CACNG5: variants seen among roughly 807,000 people sequenced by gnomAD.
CACNG5 encodes the protein voltage-dependent calcium channel gamma-5 subunit.
In CACNG5, 18 loss-of-function variants were observed where a neutral mutation model predicts 24.8. That is an observed-to-expected ratio of 0.73 (90% confidence interval 0.50 to 1.08). The LOEUF is 1.08. Among genes scored for constraint, CACNG5 ranks in the 50% least tolerant of loss-of-function variants. The pLI, the probability that CACNG5 is intolerant of heterozygous loss-of-function variation, is 0.00. For synonymous variants in CACNG5, 157 were observed against 149.1 expected, an observed-to-expected ratio of 1.05 and a Z score of -0.39; for missense variants, 349 against 367.9, an observed-to-expected ratio of 0.95 and a Z score of 0.42.
intron 1 of CACNG5, among the ~76,000 whole-genome samples, chr17:66,876,805 G>A (rs11651303): frequency 0.064 from 9,676 of 152,276 alleles, 418 homozygotes; most frequent in Middle Eastern, 0.11. Flanking sequence ...ACCCAGCAGA[G>A]TTGTCTCCTC....
chr17:66,868,491 AC>A (rs1441571617), intron 1 of CACNG5, among the ~76,000 whole-genome samples: 1 of 152,206 alleles, frequency 6.6e-6, no homozygotes, highest in African/African-American at 2.4e-5. Context: ...AAGGGCCTCA[AC>A]AATGTGGCAG....
Position 66,880,593 on chromosome 17 carries a change from G to C in CACNG5, c.320G>C (p.Ser107Thr). Residue 107 changes from serine to threonine, a missense_variant, in exon 4 of 6, where the codon AGC becomes ACC. Physicochemically the swap from Ser to Thr is moderately conservative, Grantham distance 58. Coordinates refer to ENST00000533854, the MANE Select transcript of CACNG5 (RefSeq NM_145811.3). Reference protein sequence around the residue: ...IRSATPFPLVSLFFMFIGFIL... With the variant: ...IRSATPFPLVTLFFMFIGFIL... Reference sequence around the variant, plus strand: ...TCAGCCACACCATTCCCTCTGGTCAGCCTCTTCTTCATGTTCATTGGGTTT... The same window carrying C: ...TCAGCCACACCATTCCCTCTGGTCACCCTCTTCTTCATGTTCATTGGGTTT... 2 of 1,614,224 alleles carry C rather than the reference G, an allele frequency of 1.2e-6. No homozygotes were observed. The highest frequency in any genetic ancestry group is 1.7e-6 in the Non-Finnish European group (2 of 1,180,042).
At chr17:66,881,585 G>A (rs1432022886) in intron 4 of CACNG5, among the ~76,000 whole-genome samples, 1 of 152,018 alleles carries the variant, frequency 6.6e-6, no homozygotes, top group African/African-American at 2.4e-5. Flanking sequence ...CCTTATTCTG[G>A]CTGCTGGCAT....
At chr17:66,878,152 C>G (rs775906017) in intron 2 of CACNG5, among the ~76,000 whole-genome samples, 1 of 152,228 alleles carries the variant, frequency 6.6e-6, no homozygotes, top group Non-Finnish European at 1.5e-5. Flanking sequence ...TTCCCTGTAA[C>G]CCTTCAAGTT....
intron 1 of CACNG5, among the ~76,000 whole-genome samples, chr17:66,842,703 C>T (rs1261360324): frequency 1.3e-5 from 2 of 152,174 alleles, no homozygotes; most frequent in Non-Finnish European, 2.9e-5. Flanking sequence ...CTCTGCAGGC[C>T]TCAGGCCATA....
rs192057543 is a variant in CACNG5 at position 66,871,249 on chromosome 17, A to G, written c.-103-5981A>G. ...GGCTACGCTGACACTGAGTCACTGG[A>G]CAAGCTCCCAGGAGCAGCTCTTGTC... On this transcript the variant is annotated intron_variant, in intron 1 of 5. Transcript: ENST00000533854. 2.5e-3 allele frequency among the ~76,000 whole-genome samples: 383 copies of G among 152,308 alleles called. 1 individual carries two copies. Among genetic ancestry groups the G allele is most frequent in the Non-Finnish European group, 3.8e-3 (258 of 68,032 alleles).
chr17:66,854,425 CAA>C (rs144721321), intron 1 of CACNG5, among the ~76,000 whole-genome samples: 3 of 124,200 alleles, frequency 2.4e-5, no homozygotes, highest in Admixed American at 8.5e-5. Flanking sequence ...GACTCCAACT[CAA>C]AAAAAAAAAA....
chr17:66,848,788 G>A (rs1976671906), intron 1 of CACNG5, among the ~76,000 whole-genome samples: 1 of 152,166 alleles, frequency 6.6e-6, no homozygotes, highest in African/African-American at 2.4e-5. Flanking sequence ...GCAAGGAGAA[G>A]CCAGGACGTC....
At chr17:66,872,684 T>A (rs1439075503) in intron 1 of CACNG5, among the ~76,000 whole-genome samples, 2 of 152,224 alleles carry the variant, frequency 1.3e-5, no homozygotes, top group East Asian at 3.8e-4. Context: ...TTCTCCCCTC[T>A]GGATCTTGAT....
At chr17:66,878,754 G>A (rs1445103403) in intron 2 of CACNG5, among the ~76,000 whole-genome samples, 1 of 152,146 alleles carries the variant, frequency 6.6e-6, no homozygotes, top group African/African-American at 2.4e-5. Flanking sequence ...TCCTCACACA[G>A]GCGCTTCTCC....
chr17:66,835,601 T>C (rs1976473072), intron 1 of CACNG5, among the ~76,000 whole-genome samples: 1 of 152,154 alleles, frequency 6.6e-6, no homozygotes, highest in Non-Finnish European at 1.5e-5. Flanking sequence ...GGCTGGCAGA[T>C]TATTATCCGG....
At chr17:66,874,172 G>T (rs1977046130) in intron 1 of CACNG5, among the ~76,000 whole-genome samples, 1 of 152,162 alleles carries the variant, frequency 6.6e-6, no homozygotes, top group Admixed American at 6.5e-5. Context: ...TTGCTCACCT[G>T]TAAAATGGGT....
chr17:66,855,403 C>G (rs1976761432), intron 1 of CACNG5, among the ~76,000 whole-genome samples: 1 of 152,226 alleles, frequency 6.6e-6, no homozygotes, highest in African/African-American at 2.4e-5. Flanking sequence ...CATGTTCAAC[C>G]GACAGGGGGC....
At chr17:66,855,342 C>T (rs1393259179) in intron 1 of CACNG5, among the ~76,000 whole-genome samples, 4 of 152,226 alleles carry the variant, frequency 2.6e-5, no homozygotes, top group African/African-American at 2.4e-5. Context: ...AGGCCCGGGG[C>T]CTCTGTCCTG....
rs938594353 is a variant in CACNG5 at position 66,885,388 on chromosome 17, T to C, written c.*148T>C. 6 of 959,988 alleles carry C rather than the reference T, an allele frequency of 6.3e-6. No homozygotes were observed. The highest frequency in any genetic ancestry group is 7.5e-6 in the Non-Finnish European group (5 of 662,732). 59.5% of individuals were successfully genotyped at this position (959,988 alleles called of 1,614,324 possible). ...CACTTGACCCCAGTCCTCTCCCTGC[T>C]TCTCCAGAAGGGCTCTAACTGCCCC... On this transcript the variant is annotated 3_prime_UTR_variant, in exon 6 of 6. Transcript: ENST00000533854.
chr17:66,892,402 A>G lies in CACNG5; in HGVS notation c.*7162A>G, dbSNP rs1161531541. Among the ~76,000 whole-genome samples the G allele has an allele frequency of 6.6e-6, 1 of 152,282 alleles. No homozygotes were observed. Among genetic ancestry groups the G allele is most frequent in the South Asian group, 2.1e-4 (1 of 4,834 alleles). ...CCAACGTGTTCTCCAGCCCACTGTC[A>G]GGGCCAAGCAAGCAGGGATGCAAGC... On this transcript the variant is annotated 3_prime_UTR_variant, in exon 6 of 6. Coordinates refer to ENST00000533854, the MANE Select transcript of CACNG5 (RefSeq NM_145811.3).
intron 1 of CACNG5, among the ~76,000 whole-genome samples, chr17:66,840,383 C>T (rs994029375): frequency 3.9e-5 from 6 of 152,162 alleles, no homozygotes; most frequent in East Asian, 1.9e-4. Flanking sequence ...CAGCATCTCC[C>T]GGGATCTTCA....
chr17:66,857,385 A>T (rs1197293173), intron 1 of CACNG5, among the ~76,000 whole-genome samples: 3 of 152,192 alleles, frequency 2.0e-5, no homozygotes, highest in Non-Finnish European at 4.4e-5. Context: ...GTACACCAGC[A>T]CTGTCCAATA....
chr17:66,868,781 A>G (rs766665956), intron 1 of CACNG5, among the ~76,000 whole-genome samples: 1 of 152,188 alleles, frequency 6.6e-6, no homozygotes, highest in Non-Finnish European at 1.5e-5. Flanking sequence ...CTGAGACGCC[A>G]CTGTGCCCAC....
Sources: allele counts gnomAD v4.1 joint callset (sites outside exome capture counted in the v4.1 genomes callset), GRCh38; gene constraint gnomAD v4.1.1; transcripts MANE v1.5; gene names NCBI Gene and HGNC (gene_info 2026-07-23, HGNC 2026-07-21).